Variants in EPS15 observed in about 807,000 individuals in gnomAD.
EPS15 encodes the protein epidermal growth factor receptor substrate 15.
Under a neutral mutation model 113.8 loss-of-function variants are expected in EPS15, and 72 were observed. That is an observed-to-expected ratio of 0.63 (90% CI 0.52 to 0.77). The LOEUF is 0.77. Among genes scored for constraint, EPS15 ranks in the 30% least tolerant of loss-of-function variants. EPS15 has a pLI of 0.00. For missense variants in EPS15, 1,048 were observed against 1,045.8 expected, an observed-to-expected ratio of 1.00 and a Z score of -0.03; for synonymous variants, 344 against 363.4, an observed-to-expected ratio of 0.95 and a Z score of 0.61.
Position 51,440,443 on chromosome 1 carries a change from A to G in EPS15, c.955-11T>C. ...TGATCCTATGATGTTCTAAAAACAA[A>G]AAGTTCACAATTATACATTACTATA... On this transcript the variant is annotated splice_polypyrimidine_tract_variant and intron_variant, in intron 11 of 24. Coordinates refer to ENST00000371733, the MANE Select transcript of EPS15 (RefSeq NM_001981.3). 2 of 1,452,292 alleles carry G rather than the reference A, an allele frequency of 1.4e-6. No individual in the cohort carries two copies. The highest frequency in any genetic ancestry group is 1.9e-6 in the Non-Finnish European group (2 of 1,051,796). 90.0% of individuals were successfully genotyped at this position (1,452,292 alleles called of 1,614,324 possible). A position where few individuals can be genotyped will look rare whatever the true frequency, so the allele number is the denominator to read the frequency against.
Position 51,461,161 on chromosome 1 carries a change from G to A in EPS15, c.502-11C>T, listed in dbSNP as rs1036145691. ...ACTCAACTCCCAAACCTTAAAAAGA[G>A]AATAATTGAAAAAAGATTAATGTTC... is the stretch of plus-strand genomic sequence containing the variant. On this transcript the variant is annotated splice_polypyrimidine_tract_variant and intron_variant, in intron 7 of 24. Transcript: ENST00000371733. 2 of 1,566,280 alleles carry A rather than the reference G, an allele frequency of 1.3e-6. No homozygotes were observed. Among genetic ancestry groups the A allele is most frequent in the African/African-American group, 1.4e-5 (1 of 73,936 alleles).
chr1:51,421,860 T>C lies in EPS15; in HGVS notation c.1041-2A>G. 2 of 1,611,692 alleles carry C rather than the reference T, an allele frequency of 1.2e-6. No individual in the cohort carries two copies. The highest frequency in any genetic ancestry group is 1.7e-6 in the Non-Finnish European group (2 of 1,178,498). ...TCCTGTTCCACATTATTCTTTTCCC[T>C]AGAAGACCAGCAAACAATGCAAGAA... On this transcript the variant is annotated splice_acceptor_variant, in intron 12 of 24. Coordinates refer to ENST00000371733, the MANE Select transcript of EPS15 (RefSeq NM_001981.3). LOFTEE classifies it high-confidence loss of function.
intron 21 of EPS15, among the ~76,000 whole-genome samples, chr1:51,386,124 T>C (rs1193996681): frequency 6.6e-6 from 1 of 152,242 alleles, no homozygotes; most frequent in Non-Finnish European, 1.5e-5. Context: ...CATTACATGT[T>C]CTCTGAGAAG....
At chr1:51,483,416 T>A (rs934828727) in intron 1 of EPS15, among the ~76,000 whole-genome samples, 13 of 151,236 alleles carry the variant, frequency 8.6e-5, no homozygotes, top group African/African-American at 3.2e-4. Context: ...TGTGTGTGTG[T>A]GTGTGTGTGT....
At chr1:51,378,931 T>C (rs981104738) in intron 21 of EPS15, among the ~76,000 whole-genome samples, 8 of 152,148 alleles carry the variant, frequency 5.3e-5, no homozygotes, top group Admixed American at 3.9e-4. Context: ...GAAGAAATAA[T>C]GGCCAAAACT....
intron 13 of EPS15, among the ~76,000 whole-genome samples, chr1:51,418,194 T>C (rs1302011313): frequency 6.6e-6 from 1 of 151,662 alleles, no homozygotes; most frequent in Non-Finnish European, 1.5e-5. Flanking sequence ...CTCAGGAGAG[T>C]TGAGAGCTTG....
Position 51,356,196 on chromosome 1 carries a change from A to C in EPS15, c.*504T>G, listed in dbSNP as rs1646214766. The C allele has an allele frequency of 4.7e-6, 1 of 213,128 alleles. No homozygotes were observed. Among genetic ancestry groups the C allele is most frequent in the Admixed American group, 5.9e-5 (1 of 17,070 alleles). The allele number at this position is 213,128 out of a possible 1,614,324, so 13.2% of individuals were successfully genotyped here. A position where few individuals can be genotyped will look rare whatever the true frequency, so the allele number is the denominator to read the frequency against. Reference sequence around the variant, plus strand: ...TATCTCTGAAAAACAAATTAAGTAGAGGAAATTTAAAAATGCACTTTAGCC... The same window carrying C: ...TATCTCTGAAAAACAAATTAAGTAGCGGAAATTTAAAAATGCACTTTAGCC... On this transcript the variant is annotated 3_prime_UTR_variant, in exon 25 of 25. Transcript: ENST00000371733.
intron 21 of EPS15, among the ~76,000 whole-genome samples, chr1:51,373,601 C>G (rs777215768): frequency 6.6e-6 from 1 of 152,218 alleles, no homozygotes; most frequent in Admixed American, 6.5e-5. Flanking sequence ...TGCCTCATAA[C>G]ACCTTGAGTT....
chr1:51,508,600 T>C (rs1644565380), intron 1 of EPS15, among the ~76,000 whole-genome samples: 1 of 152,190 alleles, frequency 6.6e-6, no homozygotes, highest in African/African-American at 2.4e-5. Flanking sequence ...TATCCAGTGT[T>C]CTTCCCACTA....
At chr1:51,485,568 AAAACAAAC>A (rs753082587) in intron 1 of EPS15, among the ~76,000 whole-genome samples, 1 of 152,206 alleles carries the variant, frequency 6.6e-6, no homozygotes, top group Admixed American at 6.5e-5. Context: ...TCTCCTTAAA[AAAACAAAC>A]AAACAAACAA....
At chr1:51,512,671 AAAT>A (rs906545324) in intron 1 of EPS15, among the ~76,000 whole-genome samples, 5 of 152,138 alleles carry the variant, frequency 3.3e-5, no homozygotes, top group Non-Finnish European at 2.9e-5. Flanking sequence ...AAGGAAAAAA[AAAT>A]AAGTTCAGCC....
chr1:51,383,234 C>A lies in EPS15; in HGVS notation c.2119+11147G>T, dbSNP rs553412637. 4.3e-4 allele frequency among the ~76,000 whole-genome samples: 66 copies of A among 152,312 alleles called. No homozygotes were observed. The South Asian group carries it at 0.014, about 32-fold the overall frequency. ...AAGAACAGAAGGAAAACTACCTCAACTTAATAAAGGCTATATATGAAAAGC... is the reference window on the plus strand; with the variant it reads ...AAGAACAGAAGGAAAACTACCTCAAATTAATAAAGGCTATATATGAAAAGC... On this transcript the variant is annotated intron_variant, in intron 21 of 24. Coordinates refer to ENST00000371733, the MANE Select transcript of EPS15 (RefSeq NM_001981.3).
chr1:51,493,190 T>A (rs1644267295), intron 1 of EPS15, among the ~76,000 whole-genome samples: 1 of 152,206 alleles, frequency 6.6e-6, no homozygotes, highest in Admixed American at 6.5e-5. Context: ...TGAAACCCCA[T>A]CTCTACTAAA....
chr1:51,400,800 G>T, intron 19 of EPS15, 118 bp downstream of exon 19: 1 of 417,176 alleles, frequency 2.4e-6, no homozygotes, highest in Non-Finnish European at 4.4e-6. Context: ...CTCTCTTTCT[G>T]AAAATGCCAG....
At chr1:51,431,861 C>G (rs776301365) in intron 12 of EPS15, among the ~76,000 whole-genome samples, 11 of 152,114 alleles carry the variant, frequency 7.2e-5, no homozygotes, top group Non-Finnish European at 1.6e-4. Context: ...CCTTAACTTT[C>G]TGAATTACAA....
intron 13 of EPS15, among the ~76,000 whole-genome samples, chr1:51,418,813 T>C (rs528042480): frequency 5.3e-5 from 8 of 152,220 alleles, no homozygotes; most frequent in Non-Finnish European, 1.0e-4. Flanking sequence ...ATTTTTATTA[T>C]CCCATGTTAC....
intron 1 of EPS15, among the ~76,000 whole-genome samples, chr1:51,509,863 G>T (rs1644587311): frequency 1.3e-5 from 2 of 152,128 alleles, no homozygotes; most frequent in South Asian, 4.1e-4. Flanking sequence ...TATAACCAAG[G>T]AATGGTACCA....
intron 13 of EPS15, among the ~76,000 whole-genome samples, chr1:51,416,764 T>C (rs1341943836): frequency 1.3e-5 from 2 of 151,860 alleles, no homozygotes; most frequent in African/African-American, 4.8e-5. Flanking sequence ...TTAAACCTTT[T>C]AACTCTGTAT....
In EPS15 at chr1:51,410,310, G is replaced by A. The variant is rs563774661; in HGVS notation, c.1114-614C>T. Among the ~76,000 whole-genome samples, 156 of 151,564 alleles carry A rather than the reference G, an allele frequency of 1.0e-3. 1 individual carries two copies. The highest frequency in any genetic ancestry group is 3.7e-3 in the African/African-American group (151 of 41,320). ...GGAGGCTGAGATGGGAGGATCTCTT[G>A]AGCCCAGGAGGTCAAGGCTGCAGTG... On this transcript the variant is annotated intron_variant, in intron 13 of 24. Transcript: ENST00000371733.
Sources: allele counts gnomAD v4.1 joint callset (sites outside exome capture counted in the v4.1 genomes callset), GRCh38; gene constraint gnomAD v4.1.1; transcripts MANE v1.5; gene names NCBI Gene and HGNC (gene_info 2026-07-23, HGNC 2026-07-21).